DIP2C: variants seen among roughly 807,000 people sequenced by gnomAD.
The protein encoded by DIP2C is DIP2 acetate--CoA ligase C (putative), also known as disco-interacting protein 2 homolog C.
DIP2C carries 33 observed loss-of-function variants against 192.4 expected under a neutral mutation model. That is an observed-to-expected ratio of 0.17 (90% confidence interval 0.13 to 0.23). DIP2C has a LOEUF of 0.23. Ranked by LOEUF, DIP2C falls within the 10% of genes least tolerant of loss-of-function variation. The pLI, the probability that DIP2C is intolerant of heterozygous loss-of-function variation, is 1.00. For synonymous variants in DIP2C, 979 were observed against 864.1 expected, an observed-to-expected ratio of 1.13 and a Z score of -2.33; for missense variants, 1,537 against 2,110.1, an observed-to-expected ratio of 0.73 and a Z score of 5.32.
At chr10:560,316 C>T (rs147234266) in intron 1 of DIP2C, among the ~76,000 whole-genome samples, 30 of 152,018 alleles carry the variant, frequency 2.0e-4, no homozygotes, top group African/African-American at 7.2e-4. Flanking sequence ...GAACACAAAG[C>T]TAAAGTGCTC....
chr10:496,043 A>G (rs1844803894), intron 1 of DIP2C, among the ~76,000 whole-genome samples: 2 of 145,698 alleles, frequency 1.4e-5, no homozygotes, highest in East Asian at 2.1e-4. Context: ...ACATCTCTAC[A>G]TTACTCTTAA....
At position 650,024 on chromosome 10, in the gene DIP2C, G is replaced by A. The variant is rs1321905314; in HGVS notation, c.85+39470C>T. 5 of 671,802 alleles carry A rather than the reference G, an allele frequency of 7.4e-6. No homozygotes were observed. The East Asian group carries it at 1.3e-4, about 18-fold the overall frequency. The allele number at this position is 671,802 out of a possible 1,614,324, so 41.6% of individuals were successfully genotyped here. On this transcript the variant is annotated intron_variant, in intron 1 of 36. Coordinates refer to ENST00000280886, the MANE Select transcript of DIP2C (RefSeq NM_014974.3). Reference sequence around the variant, plus strand: ...CACATCAACAATTCCTTATTAGGAAGGCAATTCTGAGCCTTTCCTCCTGCA... The same window carrying A: ...CACATCAACAATTCCTTATTAGGAAAGCAATTCTGAGCCTTTCCTCCTGCA...
chr10:633,694 G>A (rs1427629134), intron 1 of DIP2C, among the ~76,000 whole-genome samples: 1 of 152,234 alleles, frequency 6.6e-6, no homozygotes, highest in Admixed American at 6.5e-5. Flanking sequence ...CCCAGTAACA[G>A]GCTAGATTAA....
chr10:518,261 G>A (rs537798007), intron 1 of DIP2C, among the ~76,000 whole-genome samples: 2 of 152,246 alleles, frequency 1.3e-5, no homozygotes, highest in Non-Finnish European at 2.9e-5. Flanking sequence ...CCTGCTGCCT[G>A]ACTGACTCCT....
chr10:454,092 G>A (rs116347752), intron 3 of DIP2C, among the ~76,000 whole-genome samples: 1 of 152,354 alleles, frequency 6.6e-6, no homozygotes, highest in African/African-American at 2.4e-5. Flanking sequence ...TAAATTGATA[G>A]AGGTGCATTT....
At chr10:477,171 G>A (rs1052237531) in intron 2 of DIP2C, among the ~76,000 whole-genome samples, 11 of 144,168 alleles carry the variant, frequency 7.6e-5, no homozygotes, top group African/African-American at 2.7e-4. Flanking sequence ...CAAAGAAACA[G>A]GCTTAGCAAA....
At chr10:380,177 C>T (rs1030599072) in intron 17 of DIP2C, among the ~76,000 whole-genome samples, 10 of 151,030 alleles carry the variant, frequency 6.6e-5, no homozygotes, top group Admixed American at 6.6e-4. Flanking sequence ...GAGGCTGTCC[C>T]TGGAAAATGG....
intron 1 of DIP2C, among the ~76,000 whole-genome samples, chr10:614,541 C>A (rs772465732): frequency 6.6e-6 from 1 of 152,236 alleles, no homozygotes; most frequent in Non-Finnish European, 1.5e-5. Flanking sequence ...ACCACAGGCA[C>A]AGCCGTGCAA....
intron 1 of DIP2C, among the ~76,000 whole-genome samples, chr10:633,458 C>T (rs1238768073): frequency 6.6e-6 from 1 of 152,150 alleles, no homozygotes; most frequent in Non-Finnish European, 1.5e-5. Context: ...CGAGGTGGTG[C>T]CGTAGAGTGG....
At chr10:346,305 T>C (rs1478383450) in intron 26 of DIP2C, among the ~76,000 whole-genome samples, 3 of 60,896 alleles carry the variant, frequency 4.9e-5, no homozygotes, top group Admixed American at 1.9e-4. Flanking sequence ...CCCGGAAACG[T>C]CACACACACC....
rs553310577 is a variant in DIP2C at position 644,535 on chromosome 10, G to A, written c.85+44959C>T. Among the ~76,000 whole-genome samples, 3 of 152,386 alleles carry A rather than the reference G, an allele frequency of 2.0e-5. No individual in the cohort carries two copies. The East Asian group carries it at 5.8e-4, about 29-fold the overall frequency. On this transcript the variant is annotated intron_variant, in intron 1 of 36. Coordinates refer to ENST00000280886, the MANE Select transcript of DIP2C (RefSeq NM_014974.3). Reference sequence around the variant, plus strand: ...AACACGGCCCGCCGTAGAGCCACACGGGTTCTGCCTGACGCCCCCACTTCA... The same window carrying A: ...AACACGGCCCGCCGTAGAGCCACACAGGTTCTGCCTGACGCCCCCACTTCA...
At chr10:592,071 T>C (rs1490876370) in intron 1 of DIP2C, among the ~76,000 whole-genome samples, 1 of 152,240 alleles carries the variant, frequency 6.6e-6, no homozygotes, top group Non-Finnish European at 1.5e-5. Context: ...CCATGTGTTC[T>C]GGGGTATTCA....
At chr10:466,058 CAA>C (rs1401156460) in intron 3 of DIP2C, among the ~76,000 whole-genome samples, 2 of 149,080 alleles carry the variant, frequency 1.3e-5, no homozygotes, top group African/African-American at 2.4e-5. Flanking sequence ...CATATGGAAC[CAA>C]AAAAGAGCCC....
At position 622,675 on chromosome 10, in the gene DIP2C, T is replaced by C. The variant is rs990492045; in HGVS notation, c.85+66819A>G. 7.9e-5 allele frequency among the ~76,000 whole-genome samples: 12 copies of C among 152,326 alleles called. No homozygotes were observed. The East Asian group carries it at 9.6e-4, about 12-fold the overall frequency. On this transcript the variant is annotated intron_variant, in intron 1 of 36. Transcript: ENST00000280886. ...AGTCCATTTGACTAAATACCCGATATTGACTTGGAATTATGACGTGTAGGA... is the reference window on the plus strand; with the variant it reads ...AGTCCATTTGACTAAATACCCGATACTGACTTGGAATTATGACGTGTAGGA...
Position 370,398 on chromosome 10 carries a change from C to T in DIP2C, c.1992-765G>A, listed in dbSNP as rs969789503. On this transcript the variant is annotated intron_variant, in intron 17 of 36. Transcript: ENST00000280886. ...CTCGCTGCTACCCAGGACGTTCCTC[C>T]GGCAGACGTCCACACGGCCCTCTCC... Among the ~76,000 whole-genome samples, 12 of 152,316 alleles carry T rather than the reference C, an allele frequency of 7.9e-5. No homozygotes were observed. The East Asian group carries it at 1.7e-3, about 22-fold the overall frequency.
At chr10:298,043 CATTA>C (rs996289487) in intron 32 of DIP2C, among the ~76,000 whole-genome samples, 1 of 152,210 alleles carries the variant, frequency 6.6e-6, no homozygotes, top group Non-Finnish European at 1.5e-5. Context: ...ACATATCCAA[CATTA>C]GTTAGAATTA....
intron 1 of DIP2C, among the ~76,000 whole-genome samples, chr10:625,736 C>T (rs959355525): frequency 1.3e-5 from 2 of 152,220 alleles, no homozygotes; most frequent in East Asian, 1.9e-4. Flanking sequence ...TGGAAAACTG[C>T]GTGAACCTTT....
intron 1 of DIP2C, among the ~76,000 whole-genome samples, chr10:585,602 C>A (rs1389969175): frequency 6.6e-6 from 1 of 152,150 alleles, no homozygotes; most frequent in Non-Finnish European, 1.5e-5. Flanking sequence ...TACATGGACA[C>A]AGGAAGGTGG....
intron 32 of DIP2C, among the ~76,000 whole-genome samples, chr10:304,743 TACAC>T (rs1255335741): frequency 3.2e-4 from 27 of 83,544 alleles, no homozygotes; most frequent in African/African-American, 7.3e-4. Context: ...GTAACATACT[TACAC>T]ACACATAAAA....
Sources: allele counts gnomAD v4.1 joint callset (sites outside exome capture counted in the v4.1 genomes callset), GRCh38; gene constraint gnomAD v4.1.1; transcripts MANE v1.5; gene names NCBI Gene and HGNC (gene_info 2026-07-23, HGNC 2026-07-21).